SPRED2: variants seen among roughly 807,000 people sequenced by gnomAD.
SPRED2 encodes the protein sprouty-related, EVH1 domain-containing protein 2.
A neutral mutation model predicts 43.0 loss-of-function variants in SPRED2; 47 were observed. The ratio of observed to expected loss-of-function variants is 1.09; its 90% CI spans 0.87 to 1.40. The LOEUF is 1.40. SPRED2 is among the 40% of genes most tolerant of loss of function. The pLI, the probability that SPRED2 is intolerant of heterozygous loss-of-function variation, is 0.00. For missense variants in SPRED2, 561 were observed against 586.4 expected (o/e 0.96, Z 0.45); for synonymous variants, 225 against 225.7 (o/e 1.00, Z 0.03).
At chr2:65,408,580 G>C (rs1384944340) in intron 1 of SPRED2, among the ~76,000 whole-genome samples, 1 of 151,888 alleles carries the variant, frequency 6.6e-6, no homozygotes, top group Non-Finnish European at 1.5e-5. Flanking sequence ...TACATAAGGG[G>C]ACTTTTGAAG....
At chr2:65,362,517 A>C (rs1324507415) in intron 1 of SPRED2, among the ~76,000 whole-genome samples, 1 of 151,882 alleles carries the variant, frequency 6.6e-6, no homozygotes, top group Non-Finnish European at 1.5e-5. Flanking sequence ...TGATCCACCC[A>C]CCTCAGCCTC....
chr2:65,410,263 A>G (rs1007574192), intron 1 of SPRED2, among the ~76,000 whole-genome samples: 5 of 151,952 alleles, frequency 3.3e-5, no homozygotes, highest in Non-Finnish European at 5.9e-5. Context: ...CAAACAAACA[A>G]AAATCCTTCA....
chr2:65,322,256 CTCTCTCTCTCTCTCTATATA>C (rs1195002886), intron 4 of SPRED2, among the ~76,000 whole-genome samples: 3 of 76,846 alleles, frequency 3.9e-5, no homozygotes, highest in African/African-American at 2.0e-4. Flanking sequence ...CTCTCTCTCT[CTCTCTCTCTCTCTCTATATA>C]TATATATATA....
intron 1 of SPRED2, among the ~76,000 whole-genome samples, chr2:65,404,728 C>T (rs531681689): frequency 1.3e-5 from 2 of 152,296 alleles, no homozygotes; most frequent in African/African-American, 4.8e-5. Flanking sequence ...GAGAAGCCAC[C>T]TAGCGAGCAA....
chr2:65,398,509 T>C (rs970064228), intron 1 of SPRED2, among the ~76,000 whole-genome samples: 1 of 151,242 alleles, frequency 6.6e-6, no homozygotes, highest in Non-Finnish European at 1.5e-5. Flanking sequence ...ATCCAGAATC[T>C]ATAAGAACTC....
chr2:65,357,882 T>C (rs1213659033), intron 1 of SPRED2, among the ~76,000 whole-genome samples: 1 of 152,148 alleles, frequency 6.6e-6, no homozygotes, highest in Non-Finnish European at 1.5e-5. Context: ...CCCAAACTCT[T>C]ATTACTGAGC....
At chr2:65,377,572 T>C (rs924178679) in intron 1 of SPRED2, 3 of 471,098 alleles carry the variant, frequency 6.4e-6, no homozygotes, top group African/African-American at 4.0e-5. Context: ...AAGCAATGAC[T>C]GATGAGGTGG....
At chr2:65,378,121 C>T (rs1334297573) in intron 1 of SPRED2, 1 of 175,048 alleles carries the variant, frequency 5.7e-6, no homozygotes, top group Non-Finnish European at 1.2e-5. Context: ...AGTGCATATG[C>T]ATCGTTACCT....
At chr2:65,420,136 G>C (rs1676386823) in intron 1 of SPRED2, among the ~76,000 whole-genome samples, 1 of 150,268 alleles carries the variant, frequency 6.7e-6, no homozygotes, top group African/African-American at 2.5e-5. Flanking sequence ...CTTGAACCCA[G>C]GAGGCGGCAG....
At chr2:65,349,811 C>G (rs936360935) in intron 1 of SPRED2, among the ~76,000 whole-genome samples, 1 of 152,238 alleles carries the variant, frequency 6.6e-6, no homozygotes, top group Admixed American at 6.5e-5. Context: ...CTCGATGCCT[C>G]CTATCAAGTG....
At chr2:65,358,433 ACCCTTTTTCTC>A (rs1241102729) in intron 1 of SPRED2, among the ~76,000 whole-genome samples, 1 of 152,202 alleles carries the variant, frequency 6.6e-6, no homozygotes, top group Admixed American at 6.5e-5. Context: ...AGAGAGATCT[ACCCTTTTTCTC>A]CCAAACAGTT....
At chr2:65,331,579 G>A (rs114391292) in intron 4 of SPRED2, among the ~76,000 whole-genome samples, 2,334 of 152,282 alleles carry the variant, frequency 0.015, 59 homozygotes, top group African/African-American at 0.053. Flanking sequence ...GGAGGGAAGC[G>A]TGTTCACAGA....
At chr2:65,408,303 C>T (rs868289597) in intron 1 of SPRED2, among the ~76,000 whole-genome samples, 2 of 152,192 alleles carry the variant, frequency 1.3e-5, no homozygotes, top group Non-Finnish European at 2.9e-5. Flanking sequence ...AAGCCTCATA[C>T]TATGAGTCCT....
intron 1 of SPRED2, among the ~76,000 whole-genome samples, chr2:65,387,068 A>G (rs571283591): frequency 1.3e-5 from 2 of 152,172 alleles, no homozygotes; most frequent in East Asian, 3.9e-4. Flanking sequence ...CTAAATGTCT[A>G]AAACCCCAAA....
At chr2:65,383,559 C>G (rs1216372346) in intron 1 of SPRED2, among the ~76,000 whole-genome samples, 1 of 152,152 alleles carries the variant, frequency 6.6e-6, no homozygotes, top group African/African-American at 2.4e-5. Flanking sequence ...GAGTGCCCAT[C>G]AAAACCCACC....
chr2:65,359,492 A>AC (rs139531616), intron 1 of SPRED2, among the ~76,000 whole-genome samples: 2 of 151,842 alleles, frequency 1.3e-5, no homozygotes, highest in Non-Finnish European at 2.9e-5. Flanking sequence ...ACTAGAAGGC[A>AC]TTTTTTTTCA....
At chr2:65,356,786 G>A (rs1453926721) in intron 1 of SPRED2, among the ~76,000 whole-genome samples, 1 of 152,014 alleles carries the variant, frequency 6.6e-6, no homozygotes, top group Non-Finnish European at 1.5e-5. Context: ...GAGGTCAGGA[G>A]TTCCAGACCA....
intron 1 of SPRED2, among the ~76,000 whole-genome samples, chr2:65,356,136 C>A (rs1156462673): frequency 1.3e-5 from 2 of 152,148 alleles, no homozygotes. Flanking sequence ...CTTTCTTTCA[C>A]ATTATTGGAG....
At position 65,424,104 on chromosome 2, in the gene SPRED2, ACAGC is replaced by A. The variant is rs534762885; in HGVS notation, c.26+7854_26+7857del. Among the ~76,000 whole-genome samples the A allele has an allele frequency of 8.4e-4, 128 of 152,146 alleles. 1 individual carries two copies. Among genetic ancestry groups the A allele is most frequent in the Admixed American group, 2.2e-3 (33 of 15,272 alleles). On this transcript the variant is annotated intron_variant, in intron 1 of 5. Coordinates refer to ENST00000356388, the MANE Select transcript of SPRED2 (RefSeq NM_181784.3). ...ATGCCTGGTCCATTTCTACTTTTTA[ACAGC>A]CTATTAGGTATACAGCAGAATGAAC...
Sources: allele counts gnomAD v4.1 joint callset (sites outside exome capture counted in the v4.1 genomes callset), GRCh38; gene constraint gnomAD v4.1.1; transcripts MANE v1.5; gene names NCBI Gene and HGNC (gene_info 2026-07-23, HGNC 2026-07-21).